FZD5: variants seen among roughly 807,000 people sequenced by gnomAD.
FZD5 encodes the protein frizzled class receptor 5.
In FZD5, 12 loss-of-function variants were observed where a neutral mutation model predicts 40.8. That is an observed-to-expected ratio of 0.29 (90% CI 0.19 to 0.48). The LOEUF is 0.48. Ranked by LOEUF, FZD5 falls within the 20% of genes least tolerant of loss-of-function variation. The pLI, the probability that FZD5 is intolerant of heterozygous loss-of-function variation, is 0.99. For missense variants in FZD5, 622 were observed against 832.8 expected (o/e 0.75, Z 3.12); for synonymous variants, 380 against 383.7 (o/e 0.99, Z 0.11).
Position 207,768,503 on chromosome 2 carries a change from C to T in FZD5, c.237G>A (p.Ser79=). The T allele has an allele frequency of 1.2e-6, 2 of 1,613,962 alleles. No homozygotes were observed. The highest frequency in any genetic ancestry group is 1.7e-6 in the Non-Finnish European group (2 of 1,179,880). ...AGCATAGGAAGAAGCGCAGGTCCGG[C>T]GAGCATTGGATCTCCACCAGCGGCC... ...QFWPLVEIQC[S]PDLRFFLCSM... Residue 79 remains serine, a synonymous_variant, in exon 2 of 2, where the codon TCG becomes TCA. Coordinates refer to ENST00000295417, the MANE Select transcript of FZD5 (RefSeq NM_003468.4).
chr2:207,768,329 C>T lies in FZD5; in HGVS notation c.411G>A (p.Pro137=), dbSNP rs913814010. 2.6e-6 allele frequency: 4 copies of T among 1,552,326 alleles called. No individual in the cohort carries two copies. The African/African-American group carries it at 5.4e-5, about 21-fold the overall frequency. The change falls in exon 2 of 2, where the codon CCG becomes CCA. Residue 137 remains proline, a synonymous_variant. Transcript: ENST00000295417. ...WPERMSCDRL[P]VLGRDAEVLC... ...GGACCTCGGCGTCGCGGCCCAGCAC[C>T]GGGAGGCGGTCGCAGCTCATGCGCT...
chr2:207,762,668 T>C lies in FZD5; in HGVS notation c.*4314A>G, dbSNP rs933807816. The C allele has an allele frequency of 6.6e-6, 1 of 152,636 alleles. No individual in the cohort carries two copies. Among genetic ancestry groups the C allele is most frequent in the Non-Finnish European group, 1.5e-5 (1 of 68,030 alleles). 9.5% of individuals were successfully genotyped at this position (152,636 alleles called of 1,614,324 possible). ...TACATTAATTGGGAACAAAGAAAAA[T>C]AGACATTTCTTTGTTTTTCATAAAT... On this transcript the variant is annotated 3_prime_UTR_variant, in exon 2 of 2. Coordinates refer to ENST00000295417, the MANE Select transcript of FZD5 (RefSeq NM_003468.4).
chr2:207,764,101 T>C lies in FZD5; in HGVS notation c.*2881A>G, dbSNP rs1287803241. 1.3e-5 allele frequency: 2 copies of C among 152,616 alleles called. No individual in the cohort carries two copies. The highest frequency in any genetic ancestry group is 2.9e-5 in the Non-Finnish European group (2 of 68,044). The allele number at this position is 152,616 out of a possible 1,614,324, so 9.5% of individuals were successfully genotyped here. A position where few individuals can be genotyped will look rare whatever the true frequency, so the allele number is the denominator to read the frequency against. ...CTAATTCACTGAGAGGTCCCATTAG[T>C]TCCTTTAGACAACCTACCTGAATGG... On this transcript the variant is annotated 3_prime_UTR_variant, in exon 2 of 2. Transcript: ENST00000295417.
At position 207,766,957 on chromosome 2, in the gene FZD5, G is replaced by A; in HGVS notation, c.*25C>T. ...AACGCCCCCCTCCCCTCAGCTCTCC[G>A]GCCGAGTCCCTCGGCGGCAGCCTCC... is the stretch of plus-strand genomic sequence containing the variant. On this transcript the variant is annotated 3_prime_UTR_variant, in exon 2 of 2. Transcript: ENST00000295417. The A allele has an allele frequency of 1.4e-6, 2 of 1,435,202 alleles. No individual in the cohort carries two copies. The highest frequency in any genetic ancestry group is 2.7e-5 in the East Asian group (1 of 37,500). 88.9% of individuals were successfully genotyped at this position (1,435,202 alleles called of 1,614,324 possible).
At position 207,768,077 on chromosome 2, in the gene FZD5, G is replaced by A; in HGVS notation, c.663C>T (p.Pro221=). ...CGGCACTGAAGGACGGCTGGTAGCA[G>A]GGTACCGCGCAGTTGGGCACCTGGC... is the stretch of plus-strand genomic sequence containing the variant. ...RTGQVPNCAV[P]CYQPSFSADE... Residue 221 remains proline (P), a synonymous_variant, in exon 2 of 2, where the codon CCC becomes CCT. Coordinates refer to ENST00000295417, the MANE Select transcript of FZD5 (RefSeq NM_003468.4). 3 of 1,613,400 alleles carry A rather than the reference G, an allele frequency of 1.9e-6. No homozygotes were observed. The highest frequency in any genetic ancestry group is 1.3e-5 in the African/African-American group (1 of 75,076).
chr2:207,767,798 C>T lies in FZD5; in HGVS notation c.942G>A (p.Leu314=), dbSNP rs757836302. 3 of 1,612,458 alleles carry T rather than the reference C, an allele frequency of 1.9e-6. No individual in the cohort carries two copies. The highest frequency in any genetic ancestry group is 1.3e-5 in the African/African-American group (1 of 74,894). ...AGACCAGGAGGAAGACGATGGTGCA[C>T]AGTGCAGGGCCCGTGGTCTCGTAGT... ...HIHYETTGPA[L]CTIVFLLVYF... is the part of the protein sequence containing the mutation. Residue 314 remains leucine (L), a synonymous_variant, in exon 2 of 2, where the codon CTG becomes CTA. Coordinates refer to ENST00000295417, the MANE Select transcript of FZD5 (RefSeq NM_003468.4).
In FZD5 at chr2:207,768,074, G is replaced by A. The variant is rs772366369; in HGVS notation, c.666C>T (p.Cys222=). 1.4e-5 allele frequency: 22 copies of A among 1,613,188 alleles called. No homozygotes were observed. The highest frequency in any genetic ancestry group is 5.0e-5 in the Admixed American group (3 of 59,922). ...CGTCGGCACTGAAGGACGGCTGGTA[G>A]CAGGGTACCGCGCAGTTGGGCACCT... is the stretch of plus-strand genomic sequence containing the variant. ...TGQVPNCAVP[C]YQPSFSADER... is the part of the protein sequence containing the mutation. Residue 222 remains cysteine, a synonymous_variant, in exon 2 of 2, where the codon TGC becomes TGT. Transcript: ENST00000295417.
chr2:207,766,909 A>G lies in FZD5; in HGVS notation c.*73T>C, dbSNP rs2091981701. ...AGCACCATGAAGGTAAACGGAAGTG[A>G]CCTTGGCAAAACTACCAAACAAAAC... is the stretch of plus-strand genomic sequence containing the variant. On this transcript the variant is annotated 3_prime_UTR_variant, in exon 2 of 2. Transcript: ENST00000295417. The G allele has an allele frequency of 4.1e-6, 5 of 1,223,606 alleles. No individual in the cohort carries two copies. The highest frequency in any genetic ancestry group is 5.5e-6 in the Non-Finnish European group (5 of 916,186). 75.8% of individuals were successfully genotyped at this position (1,223,606 alleles called of 1,614,324 possible).
At position 207,767,488 on chromosome 2, in the gene FZD5, A is replaced by C; in HGVS notation, c.1252T>G (p.Phe418Val). The C allele has an allele frequency of 6.2e-7, 1 of 1,610,432 alleles. No homozygotes were observed. The highest frequency in any genetic ancestry group is 8.5e-7 in the Non-Finnish European group (1 of 1,179,930). Residue 418 changes from phenylalanine to valine, a missense_variant, in exon 2 of 2, where the codon TTC becomes GTC. This residue lies in a region of FZD5 where 208 missense variants were observed against 348.9 expected (regional missense o/e 0.60). Transcript: ENST00000295417. Reference sequence around the variant, plus strand: ...AGCGACACGAAGCCCGCCAGCAGGAAGAGCGTGCCCACCAGCAGGTAGAGC... The same window carrying C: ...AGCGACACGAAGCCCGCCAGCAGGACGAGCGTGCCCACCAGCAGGTAGAGC... Reference protein sequence around the residue: ...LVLYLLVGTLFLLAGFVSLFR... With the variant: ...LVLYLLVGTLVLLAGFVSLFR...
Position 207,767,973 on chromosome 2 carries a change from G to A in FZD5, c.767C>T (p.Thr256Ile). The change falls in exon 2 of 2, where the codon ACC becomes ATC. Residue 256 changes from threonine (T) to isoleucine (I), a missense_variant. Transcript: ENST00000295417. ...GAAGCGTTCCATGTCGATGAGGAAG[G>A]TGGCCACTGTGGTGGACGTGGAGAT... ...CFISTSTTVA[T>I]FLIDMERFRY... 1.2e-6 allele frequency: 2 copies of A among 1,607,510 alleles called. No individual in the cohort carries two copies. Among genetic ancestry groups the A allele is most frequent in the Non-Finnish European group, 1.7e-6 (2 of 1,176,954 alleles).
At position 207,767,469 on chromosome 2, in the gene FZD5, A is replaced by G; in HGVS notation, c.1271T>C (p.Val424Ala). 2 of 1,610,918 alleles carry G rather than the reference A, an allele frequency of 1.2e-6. No homozygotes were observed. The highest frequency in any genetic ancestry group is 1.7e-6 in the Non-Finnish European group (2 of 1,179,932). ...VGTLFLLAGF[V>A]SLFRIRSVIK... ...GACGCTGCGGATGCGGAAGAGCGAC[A>G]CGAAGCCCGCCAGCAGGAAGAGCGT... Residue 424 changes from valine to alanine, a missense_variant, in exon 2 of 2, where the codon GTG becomes GCG. By Grantham distance (64) the Val-to-Ala change is moderately conservative. Transcript: ENST00000295417.
In FZD5 at chr2:207,764,547, C is replaced by G. The variant is rs891159753; in HGVS notation, c.*2435G>C. 6.6e-6 allele frequency: 1 copy of G among 152,164 alleles called. No homozygotes were observed. The highest frequency in any genetic ancestry group is 1.5e-5 in the Non-Finnish European group (1 of 68,040). The allele number at this position is 152,164 out of a possible 1,614,324, so 9.4% of individuals were successfully genotyped here. ...TGAAAGTTGGTCTGGAATTAGACCC[C>G]AAAGATCCTGACTAATATTGCCCCC... On this transcript the variant is annotated 3_prime_UTR_variant, in exon 2 of 2. Coordinates refer to ENST00000295417, the MANE Select transcript of FZD5 (RefSeq NM_003468.4).
rs1057296248 is a variant in FZD5 at position 207,762,740 on chromosome 2, T to C, written c.*4242A>G. ...AAAATCTCAAATGATTATTTTACCTTCCCACAAATATAATACATACAAAAT... is the reference window on the plus strand; with the variant it reads ...AAAATCTCAAATGATTATTTTACCTCCCCACAAATATAATACATACAAAAT... On this transcript the variant is annotated 3_prime_UTR_variant, in exon 2 of 2. Transcript: ENST00000295417. 2.6e-5 allele frequency: 4 copies of C among 152,618 alleles called. No homozygotes were observed. The highest frequency in any genetic ancestry group is 2.0e-4 in the Admixed American group (3 of 15,276). The allele number at this position is 152,618 out of a possible 1,614,324, so 9.5% of individuals were successfully genotyped here.
Position 207,767,156 on chromosome 2 carries a change from C to T in FZD5, c.1584G>A (p.Glu528=). The change falls in exon 2 of 2, where the codon GAG becomes GAA. Residue 528 remains glutamate (E), a synonymous_variant. Coordinates refer to ENST00000295417, the MANE Select transcript of FZD5 (RefSeq NM_003468.4). ...GVWIWSGKTV[E]SWRRFTSRCC... ...AGCGGCTGGTGAAACGCCGCCACGA[C>T]TCCACCGTCTTGCCCGACCAGATCC... is the stretch of plus-strand genomic sequence containing the variant. 6.3e-7 allele frequency: 1 copy of T among 1,579,436 alleles called. No individual in the cohort carries two copies. The highest frequency in any genetic ancestry group is 8.6e-7 in the Non-Finnish European group (1 of 1,164,302).
chr2:207,766,827 T>C lies in FZD5; in HGVS notation c.*155A>G, dbSNP rs2091981373. 1 of 551,728 alleles carries C rather than the reference T, an allele frequency of 1.8e-6. No homozygotes were observed. The highest frequency in any genetic ancestry group is 2.0e-5 in the African/African-American group (1 of 51,170). The allele number at this position is 551,728 out of a possible 1,614,324, so 34.2% of individuals were successfully genotyped here. On this transcript the variant is annotated 3_prime_UTR_variant, in exon 2 of 2. Transcript: ENST00000295417. ...CCCCTTGGAGAAGACCTGGGACAGG[T>C]TCTTCCTCGAAAACGCCCCTCTTCC...
rs13429572 is a variant in FZD5, at chr2:207,766,980, T to A, written c.*2A>T. The A allele has an allele frequency of 2.5e-3, 3,668 of 1,467,992 alleles. 85 individuals are homozygous for A. The African/African-American group carries it at 0.049, about 20-fold the overall frequency. 90.9% of individuals were successfully genotyped at this position (1,467,992 alleles called of 1,614,324 possible). ...CCGGCCGAGTCCCTCGGCGGCAGCC[T>A]CCTACACGTGCGACAGGGACACCTG... On this transcript the variant is annotated 3_prime_UTR_variant, in exon 2 of 2. Coordinates refer to ENST00000295417, the MANE Select transcript of FZD5 (RefSeq NM_003468.4).
Position 207,767,071 on chromosome 2 carries a change from G to C in FZD5, c.1669C>G (p.Pro557Ala). 6.3e-7 allele frequency: 1 copy of C among 1,590,802 alleles called. No homozygotes were observed. The highest frequency in any genetic ancestry group is 1.1e-5 in the South Asian group (1 of 87,156). ...SGGAMAAGDY[P>A]EASAALTGRT... ...CCTGTGAGCGCGGCGCTCGCCTCGGGGTAGTCCCCTGCGGCCATGGCGCCC... is the reference window on the plus strand; with the variant it reads ...CCTGTGAGCGCGGCGCTCGCCTCGGCGTAGTCCCCTGCGGCCATGGCGCCC... The change falls in exon 2 of 2, where the codon CCC becomes GCC. Residue 557 changes from proline (P) to alanine (A), a missense_variant. Physicochemically the swap from Pro to Ala is conservative, Grantham distance 27 (BLOSUM62 -1). This residue lies in a region of FZD5 where 154 missense variants were observed against 152.1 expected (regional missense o/e 1.01). Coordinates refer to ENST00000295417, the MANE Select transcript of FZD5 (RefSeq NM_003468.4).
In FZD5 at chr2:207,768,771, C is replaced by T. The variant is rs758662401; in HGVS notation, c.-32G>A. ...CTCCCTCCCCTCGCCTCCAGCAGCC[C>T]GCGAGGGACGCACACAGGCAGAGGA... On this transcript the variant is annotated 5_prime_UTR_variant, in exon 2 of 2. Coordinates refer to ENST00000295417, the MANE Select transcript of FZD5 (RefSeq NM_003468.4). 4.7e-6 allele frequency: 7 copies of T among 1,477,894 alleles called. No individual in the cohort carries two copies. Among genetic ancestry groups the T allele is most frequent in the African/African-American group, 1.4e-5 (1 of 71,198 alleles). 91.5% of individuals were successfully genotyped at this position (1,477,894 alleles called of 1,614,324 possible).
Position 207,767,411 on chromosome 2 carries a change from C to T in FZD5, c.1329G>A (p.Leu443=). 1 of 1,612,868 alleles carries T rather than the reference C, an allele frequency of 6.2e-7. No homozygotes were observed. The highest frequency in any genetic ancestry group is 8.5e-7 in the Non-Finnish European group (1 of 1,179,964). Residue 443 remains leucine (L), a synonymous_variant, in exon 2 of 2, where the codon CTG becomes CTA. Transcript: ENST00000295417. The part of the protein sequence containing the change: ...IKQGGTKTDK[L]EKLMIRIGIF... The stretch of plus-strand genomic sequence containing the variant: ...TGCCGATGCGGATCATGAGCTTCTC[C>T]AGCTTGTCCGTCTTGGTGCCGCCCT...
Sources: allele counts gnomAD v4.1 joint callset, GRCh38; gene constraint gnomAD v4.1.1; regional missense constraint gnomAD v4.1.1; transcripts MANE v1.5; gene names NCBI Gene and HGNC (gene_info 2026-07-23, HGNC 2026-07-21).